BRCA2: variants seen among roughly 807,000 people sequenced by gnomAD.
The protein encoded by BRCA2 is breast cancer type 2 susceptibility protein.
In BRCA2, 203 loss-of-function variants were observed where a neutral mutation model predicts 276.7. The observed-to-expected ratio is 0.73, with a 90% CI of 0.65 to 0.82. BRCA2 has a LOEUF of 0.82. Among genes scored for constraint, BRCA2 ranks in the 40% least tolerant of loss-of-function variants. The pLI, the probability that BRCA2 is intolerant of heterozygous loss-of-function variation, is 0.00. For missense variants in BRCA2, 3,920 were observed against 3,915.0 expected (o/e 1.00, Z -0.03); for synonymous variants, 1,289 against 1,338.4 (o/e 0.96, Z 0.81).
chr13:32,368,413 CT>C (rs1038802988), intron 18 of BRCA2, among the ~76,000 whole-genome samples: 1 of 151,590 alleles, frequency 6.6e-6, no homozygotes, highest in African/African-American at 2.4e-5. Flanking sequence ...AAATGTTTTT[CT>C]TTTTTTTGTG....
Position 32,397,002 on chromosome 13 carries a change from G to A in BRCA2, c.9606G>A (p.Pro3202=), listed in dbSNP as rs755890067. Residue 3202 remains proline, a synonymous_variant, in exon 26 of 27, where the codon CCG becomes CCA. Coordinates refer to ENST00000380152, the MANE Select transcript of BRCA2 (RefSeq NM_000059.4). The stretch of plus-strand genomic sequence containing the variant: ...CAACTAAAGACTGTACTTCAGGGCC[G>A]TACACTGCTCAAATCATTCCTGGTA... ...STPTKDCTSG[P]YTAQIIPGTG... 1.6e-5 allele frequency: 26 copies of A among 1,613,886 alleles called. No individual in the cohort carries two copies. The East Asian group carries it at 3.6e-4, about 22-fold the overall frequency.
At position 32,370,690 on chromosome 13, in the gene BRCA2, C is replaced by T. The variant is rs797045413; in HGVS notation, c.8487+133C>T. On this transcript the variant is annotated intron_variant, in intron 19 of 26. Transcript: ENST00000380152. ...TGGCGTGATCTTGGTTCACTGCAGCCTCCACCTCCCGGGTTCAAGTGATTC... is the reference window on the plus strand; with the variant it reads ...TGGCGTGATCTTGGTTCACTGCAGCTTCCACCTCCCGGGTTCAAGTGATTC... The T allele has an allele frequency of 3.1e-5, 33 of 1,050,802 alleles. No homozygotes were observed. In the Admixed American group the frequency reaches 6.7e-4, roughly 21 times the overall value. 65.1% of individuals were successfully genotyped at this position (1,050,802 alleles called of 1,614,324 possible).
At chr13:32,376,535 AG>A in intron 20 of BRCA2, 134 bp from the exon 21 acceptor site, 13 of 1,016,068 alleles carry the variant, frequency 1.3e-5, no homozygotes, top group African/African-American at 6.6e-5. Context: ...AAAAAAAAAA[AG>A]AAAAAACTTT....
In BRCA2 at chr13:32,397,035, C is replaced by T. The variant is rs876658460; in HGVS notation, c.9639C>T (p.Asn3213=). The change falls in exon 26 of 27, where the codon AAC becomes AAT. Residue 3213 remains asparagine (N), a synonymous_variant. Transcript: ENST00000380152. ...YTAQIIPGTG[N]KLLMSSPNCE... is the part of the protein sequence containing the mutation. ...CTCAAATCATTCCTGGTACAGGAAA[C>T]AAGCTTCTGGTAAGTTAATGTAAAC... 1 of 1,613,936 alleles carries T rather than the reference C, an allele frequency of 6.2e-7. No homozygotes were observed. Among genetic ancestry groups the T allele is most frequent in the South Asian group, 1.1e-5 (1 of 91,072 alleles).
intron 18 of BRCA2, among the ~76,000 whole-genome samples, chr13:32,364,100 A>C (rs1312887956): frequency 6.6e-6 from 1 of 152,180 alleles, no homozygotes; most frequent in Admixed American, 6.5e-5. Context: ...TTTAAGGTAA[A>C]GATATATTTT....
At chr13:32,397,170 T>G (rs942170280) in intron 26 of BRCA2, 126 bp downstream of exon 26, 2 of 1,111,024 alleles carry the variant, frequency 1.8e-6, no homozygotes, top group East Asian at 4.8e-5. Context: ...GGTTGTTATG[T>G]GGCTCCTGTA....
rs55933907 is a variant in BRCA2, at chr13:32,380,124, G to A, written c.9235G>A (p.Val3079Ile). The A allele has an allele frequency of 1.8e-4, 293 of 1,613,262 alleles. No homozygotes were observed. The African/African-American group carries it at 2.8e-3, about 15-fold the overall frequency. ...TGAGGTGGACCTAATAGGATTTGTC[G>A]TTTCTGTTGTGAAAAAAACAGGTAA... Reference protein sequence around the residue: ...CSEVDLIGFVVSVVKKTGLAP... With the variant: ...CSEVDLIGFVISVVKKTGLAP... The change falls in exon 24 of 27, where the codon GTT (valine) becomes ATT (isoleucine). Residue 3079 changes from valine (V) to isoleucine (I), a missense_variant. Around this residue, in one of 2 missense-constraint regions of BRCA2, gnomAD observed 657 missense variants for 758.2 expected, o/e 0.87. Coordinates refer to ENST00000380152, the MANE Select transcript of BRCA2 (RefSeq NM_000059.4).
chr13:32,321,297 G>A (rs1014563251), intron 3 of BRCA2, among the ~76,000 whole-genome samples: 3 of 152,104 alleles, frequency 2.0e-5, no homozygotes, highest in African/African-American at 7.2e-5. Context: ...TGAATAAGAT[G>A]TCCTTTGACC....
At chr13:32,366,937 A>G (rs1003940792) in intron 18 of BRCA2, among the ~76,000 whole-genome samples, 2 of 152,034 alleles carry the variant, frequency 1.3e-5, no homozygotes, top group Non-Finnish European at 2.9e-5. Context: ...TTTTCTAAGT[A>G]CTGTTTTCTC....
intron 10 of BRCA2, among the ~76,000 whole-genome samples, chr13:32,335,884 A>T (rs1232080227): frequency 6.6e-6 from 1 of 151,802 alleles, no homozygotes; most frequent in Non-Finnish European, 1.5e-5. Context: ...TAATTAATTT[A>T]TTTATTTTTA....
chr13:32,356,300 C>A, intron 14 of BRCA2, 128 bp from the exon 15 acceptor site: 1 of 872,924 alleles, frequency 1.1e-6, no homozygotes, highest in Non-Finnish European at 1.9e-6. Flanking sequence ...GAACTCCCGA[C>A]CTCAGATGAT....
rs544677125 is a variant in BRCA2, at chr13:32,398,412, C to A, written c.9899C>A (p.Pro3300Gln). ...CCGGCTGCACAGAAGGCATTTCAGC[C>A]ACCAAGGAGTTGTGGCACCAAATAC... is the stretch of plus-strand genomic sequence containing the variant. ...VSPAAQKAFQ[P>Q]PRSCGTKYET... Residue 3300 changes from proline (P) to glutamine (Q), a missense_variant, in exon 27 of 27, where the codon CCA (proline) becomes CAA (glutamine). This residue lies in a region of BRCA2 where 657 missense variants were observed against 758.2 expected (regional missense o/e 0.87). Coordinates refer to ENST00000380152, the MANE Select transcript of BRCA2 (RefSeq NM_000059.4). The A allele has an allele frequency of 6.2e-7, 1 of 1,614,148 alleles. No homozygotes were observed. Among genetic ancestry groups the A allele is most frequent in the East Asian group, 2.2e-5 (1 of 44,892 alleles).
Position 32,379,412 on chromosome 13 carries a change from G to T in BRCA2, c.8850G>T (p.Lys2950Asn), listed in dbSNP as rs28897754. 8.1e-4 allele frequency: 1,314 copies of T among 1,613,836 alleles called. 3 individuals are homozygous for T. The highest frequency in any genetic ancestry group is 2.0e-3 in the Admixed American group (122 of 59,996). Residue 2950 changes from lysine (K) to asparagine (N), a missense_variant, in exon 22 of 27, where the codon AAG becomes AAT. This residue lies in a region of BRCA2 where 657 missense variants were observed against 758.2 expected (regional missense o/e 0.87). Coordinates refer to ENST00000380152, the MANE Select transcript of BRCA2 (RefSeq NM_000059.4). Reference protein sequence around the residue: ...KQAQIQLEIRKAMESAEQKEQ... With the variant: ...KQAQIQLEIRNAMESAEQKEQ... ...CTCAGATCCAGTTGGAAATTAGGAAGGCCATGGAATCTGCTGAACAAAAGG... is the reference window on the plus strand; with the variant it reads ...CTCAGATCCAGTTGGAAATTAGGAATGCCATGGAATCTGCTGAACAAAAGG...
rs192892005 is a variant in BRCA2 at position 32,337,952 on chromosome 13, C to T, written c.3597C>T (p.Asp1199=). The change falls in exon 11 of 27, where the codon GAC becomes GAT. Residue 1199 remains aspartate, a synonymous_variant. Coordinates refer to ENST00000380152, the MANE Select transcript of BRCA2 (RefSeq NM_000059.4). The part of the protein sequence containing the change: ...KRKFAGLLKN[D]CNKSASGYLT... ...AGTTTGCTGGCCTGTTGAAAAATGA[C>T]TGTAACAAAAGTGCTTCTGGTTATT... is the stretch of plus-strand genomic sequence containing the variant. The T allele has an allele frequency of 1.9e-6, 3 of 1,613,994 alleles. No homozygotes were observed. Among genetic ancestry groups the T allele is most frequent in the East Asian group, 2.2e-5 (1 of 44,868 alleles).
intron 3 of BRCA2, among the ~76,000 whole-genome samples, chr13:32,323,015 T>C (rs1313370727): frequency 6.6e-6 from 1 of 152,250 alleles, no homozygotes; most frequent in Non-Finnish European, 1.5e-5. Flanking sequence ...AAAGTAGCTG[T>C]TGCATTTTGT....
At chr13:32,348,268 A>T (rs1471454562) in intron 13 of BRCA2, among the ~76,000 whole-genome samples, 1 of 149,558 alleles carries the variant, frequency 6.7e-6, no homozygotes. Context: ...AAATGAAGAA[A>T]GAAATTTTAA....
intron 10 of BRCA2, among the ~76,000 whole-genome samples, chr13:32,335,631 T>G (rs747742567): frequency 5.3e-5 from 8 of 152,180 alleles, no homozygotes; most frequent in Non-Finnish European, 8.8e-5. Flanking sequence ...GCAATGAAAT[T>G]TTTTCAATTT....
intron 18 of BRCA2, among the ~76,000 whole-genome samples, chr13:32,366,917 T>A (rs2072786973): frequency 1.3e-5 from 2 of 149,254 alleles, no homozygotes; most frequent in Admixed American, 1.3e-4. Context: ...TAACCCTAGC[T>A]CTCAGACTGT....
In BRCA2 at chr13:32,339,546, C is replaced by T. The variant is rs80358745; in HGVS notation, c.5191C>T (p.His1731Tyr). Residue 1731 changes from histidine (H) to tyrosine (Y), a missense_variant, in exon 11 of 27, where the codon CAT becomes TAT. Transcript: ENST00000380152. ...NSTIAENDKN[H>Y]LSEKQDTYLS... ...TACTATAGCTGAAAATGACAAAAAT[C>T]ATCTCTCCGAAAAACAAGATACTTA... The T allele has an allele frequency of 1.9e-6, 3 of 1,605,158 alleles. No homozygotes were observed. Among genetic ancestry groups the T allele is most frequent in the African/African-American group, 1.3e-5 (1 of 74,544 alleles).
Sources: allele counts gnomAD v4.1 joint callset (sites outside exome capture counted in the v4.1 genomes callset), GRCh38; gene constraint gnomAD v4.1.1; regional missense constraint gnomAD v4.1.1; transcripts MANE v1.5; gene names NCBI Gene and HGNC (gene_info 2026-07-23, HGNC 2026-07-21).